FBXL13: variants seen among roughly 807,000 people sequenced by gnomAD.
The protein encoded by FBXL13 is F-box and leucine rich repeat protein 13, also known as F-box and leucine-rich repeat protein 13.
FBXL13 carries 67 observed loss-of-function variants against 83.6 expected under a neutral mutation model. The observed-to-expected ratio is 0.80, with a 90% CI of 0.66 to 0.98. The LOEUF is 0.98. FBXL13 is among the 50% of genes least tolerant of loss of function. FBXL13 has a pLI of 0.00. For missense variants in FBXL13, 822 were observed against 866.5 expected (o/e 0.95, Z 0.64); for synonymous variants, 272 against 299.5 (o/e 0.91, Z 0.95).
chr7:102,914,611 AAC>A, intron 10 of FBXL13, among the ~76,000 whole-genome samples: 1 of 152,348 alleles, frequency 6.6e-6, no homozygotes, highest in Admixed American at 6.5e-5. Flanking sequence ...GATTTTGAAA[AAC>A]ACATCTATAT....
chr7:103,026,173 T>C (rs1401158973), intron 5 of FBXL13, among the ~76,000 whole-genome samples: 1 of 152,046 alleles, frequency 6.6e-6, no homozygotes, highest in Non-Finnish European at 1.5e-5. Flanking sequence ...AGTTTCGCTT[T>C]TGTCGCCCAG....
intron 2 of FBXL13, among the ~76,000 whole-genome samples, chr7:103,048,465 A>G (rs1295709577): frequency 6.6e-6 from 1 of 151,330 alleles, no homozygotes; most frequent in Non-Finnish European, 1.5e-5. Context: ...ACCTTTTAAT[A>G]TTACATGAAA....
chr7:102,837,031 C>T (rs954606241), intron 17 of FBXL13, among the ~76,000 whole-genome samples: 3 of 152,146 alleles, frequency 2.0e-5, no homozygotes, highest in Admixed American at 2.0e-4. Context: ...TTTTGGCTGC[C>T]CCAAAGGCTA....
chr7:102,821,291 A>G (rs575087378), intron 19 of FBXL13, among the ~76,000 whole-genome samples: 235 of 152,296 alleles, frequency 1.5e-3, no homozygotes, highest in Admixed American at 3.1e-3. Flanking sequence ...ATCCAACTCC[A>G]GCTGGCTGCC....
At chr7:102,854,818 A>G in exon 17 of FBXL13, 1 of 1,593,088 alleles carries the variant, frequency 6.3e-7, no homozygotes, top group Non-Finnish European at 8.6e-7. Flanking sequence ...TCAGATACAG[A>G]AAGTTCCTTC....
rs549200646 is a variant in FBXL13 at position 102,845,432 on chromosome 7, T to A, written c.1719+9345A>T. Among the ~76,000 whole-genome samples the A allele has an allele frequency of 2.0e-5, 3 of 152,254 alleles. No homozygotes were observed. The South Asian group carries it at 6.2e-4, about 32-fold the overall frequency. On this transcript the variant is annotated intron_variant, in intron 17 of 19. Coordinates refer to ENST00000313221, the Ensembl canonical transcript of FBXL13. ...TGGATAAAGACCAAGATATATATAT[T>A]TCCTATAAATCACATACTCACAAGA...
chr7:103,052,432 G>A (rs113176527), intron 2 of FBXL13, among the ~76,000 whole-genome samples: 10 of 152,096 alleles, frequency 6.6e-5, no homozygotes, highest in African/African-American at 9.6e-5. Context: ...GAGGACTAAA[G>A]TGTTTTGCTT....
Position 102,889,811 on chromosome 7 carries a change from T to G in FBXL13, c.1009-5499A>C, listed in dbSNP as rs142682477. 6.5e-3 allele frequency among the ~76,000 whole-genome samples: 990 copies of G among 152,272 alleles called. 11 individuals carry two copies. The highest frequency in any genetic ancestry group is 0.018 in the South Asian group (87 of 4,824). ...CAGACCTTAGTTCATAACCCTAACATTAATATCTCTAATAATGGTTTTCAT... is the reference window on the plus strand; with the variant it reads ...CAGACCTTAGTTCATAACCCTAACAGTAATATCTCTAATAATGGTTTTCAT... On this transcript the variant is annotated intron_variant, in intron 11 of 19. Coordinates refer to ENST00000313221, the Ensembl canonical transcript of FBXL13.
At chr7:102,961,683 A>C (rs1825236629) in intron 8 of FBXL13, among the ~76,000 whole-genome samples, 1 of 150,730 alleles carries the variant, frequency 6.6e-6, no homozygotes. Context: ...ATAACGCTGC[A>C]TATCTACAAC....
At chr7:102,930,375 C>T (rs1370781534) in intron 9 of FBXL13, among the ~76,000 whole-genome samples, 4 of 152,232 alleles carry the variant, frequency 2.6e-5, no homozygotes, top group African/African-American at 9.6e-5. Context: ...CCTCTATAAA[C>T]CTGTTTCCAT....
intron 16 of FBXL13, among the ~76,000 whole-genome samples, chr7:102,875,598 C>T (rs551474726): frequency 4.2e-4 from 64 of 152,188 alleles, no homozygotes; most frequent in African/African-American, 1.3e-3. Context: ...TTCCTGTGCT[C>T]GTCATTGTAT....
intron 17 of FBXL13, among the ~76,000 whole-genome samples, chr7:102,853,578 G>T (rs189289507): frequency 1.3e-5 from 2 of 152,012 alleles, no homozygotes; most frequent in African/African-American, 2.4e-5. Context: ...TCAGAGTGAA[G>T]AGGCAACCCA....
At chr7:103,065,001 A>T (rs1466583503) in intron 1 of FBXL13, among the ~76,000 whole-genome samples, 1 of 152,214 alleles carries the variant, frequency 6.6e-6, no homozygotes, top group Admixed American at 6.5e-5. Flanking sequence ...CCTTGCCAAA[A>T]TTTCAAATTT....
intron 9 of FBXL13, among the ~76,000 whole-genome samples, chr7:102,931,140 G>A (rs1428167704): frequency 6.6e-6 from 1 of 152,202 alleles, no homozygotes; most frequent in Non-Finnish European, 1.5e-5. Context: ...ACCACTTGGG[G>A]ACAAAGGGAA....
chr7:102,878,892 A>G (rs1323501800), intron 14 of FBXL13, among the ~76,000 whole-genome samples: 1 of 152,180 alleles, frequency 6.6e-6, no homozygotes, highest in African/African-American at 2.4e-5. Context: ...TGGATAGGAA[A>G]CCCAATATGA....
intron 17 of FBXL13, among the ~76,000 whole-genome samples, chr7:102,847,948 C>T (rs1337744186): frequency 6.6e-6 from 1 of 152,154 alleles, no homozygotes; most frequent in African/African-American, 2.4e-5. Context: ...AATACATATA[C>T]ACATTGACAT....
At chr7:102,845,095 G>T (rs1048276502) in intron 17 of FBXL13, among the ~76,000 whole-genome samples, 1 of 151,998 alleles carries the variant, frequency 6.6e-6, no homozygotes, top group African/African-American at 2.4e-5. Flanking sequence ...ATTTTTATGG[G>T]GGCTTCGTCA....
intron 2 of FBXL13, among the ~76,000 whole-genome samples, chr7:103,049,410 A>G (rs1796592703): frequency 6.6e-6 from 1 of 152,266 alleles, no homozygotes; most frequent in African/African-American, 2.4e-5. Flanking sequence ...TGAACTAAAA[A>G]GCATTACAGT....
intron 6 of FBXL13, among the ~76,000 whole-genome samples, chr7:103,010,472 T>C (rs1258678094): frequency 1.3e-5 from 2 of 151,654 alleles, no homozygotes; most frequent in Non-Finnish European, 2.9e-5. Flanking sequence ...GGTGGGCAAC[T>C]CCACCCACCC....
Sources: gnomAD v4.1 joint callset for allele counts (sites outside exome capture counted in the v4.1 genomes callset) on GRCh38, gnomAD v4.1.1 for gene constraint, MANE v1.5 for transcripts, NCBI Gene and HGNC (gene_info 2026-07-23, HGNC 2026-07-21) for gene names.